The following SLC24A2 variants were observed in gnomAD, a reference collection of about 807,000 sequenced individuals.
SLC24A2 encodes solute carrier family 24 member 2, also known as sodium/potassium/calcium exchanger 2.
Under a neutral mutation model 62.0 loss-of-function variants are expected in SLC24A2, and 36 were observed. That is an observed-to-expected ratio of 0.58 (90% CI 0.44 to 0.77). The LOEUF is 0.77. Among genes scored for constraint, SLC24A2 ranks in the 30% least tolerant of loss-of-function variants. The pLI, the probability that SLC24A2 is intolerant of heterozygous loss-of-function variation, is 0.00. For synonymous variants in SLC24A2, 358 were observed against 294.0 expected, an observed-to-expected ratio of 1.22 and a Z score of -2.23; for missense variants, 846 against 817.9, an observed-to-expected ratio of 1.03 and a Z score of -0.42.
chr9:19,741,058 T>C (rs988020521), intron 2 of SLC24A2, among the ~76,000 whole-genome samples: 19 of 152,186 alleles, frequency 1.2e-4, no homozygotes, highest in Non-Finnish European at 2.8e-4. Context: ...ATCCTCTGTA[T>C]GTCCTTCCTG....
chr9:20,258,864 C>CCA, the SLC24A2 span, among the ~76,000 whole-genome samples: 1 of 146,808 alleles, frequency 6.8e-6, no homozygotes, highest in Non-Finnish European at 1.5e-5. Context: ...TAATGTCTAT[C>CCA]TATCCATCCA....
chr9:20,168,398 A>C, the SLC24A2 span, among the ~76,000 whole-genome samples: 1 of 152,042 alleles, frequency 6.6e-6, no homozygotes, highest in East Asian at 1.9e-4. Flanking sequence ...TCAAATTATC[A>C]GTTTATCAAG....
the SLC24A2 span, among the ~76,000 whole-genome samples, chr9:20,078,300 C>T: frequency 6.6e-6 from 1 of 151,940 alleles, no homozygotes; most frequent in South Asian, 2.1e-4. Context: ...CTTCCAGCCT[C>T]CCCACTTCCC....
chr9:20,174,757 G>T, the SLC24A2 span, among the ~76,000 whole-genome samples: 1 of 151,992 alleles, frequency 6.6e-6, no homozygotes, highest in Non-Finnish European at 1.5e-5. Context: ...TTGTGGGAGT[G>T]TAAACTAGTA....
At chr9:20,061,011 A>G in the SLC24A2 span, among the ~76,000 whole-genome samples, 1 of 152,224 alleles carries the variant, frequency 6.6e-6, no homozygotes, top group Admixed American at 6.5e-5. Flanking sequence ...TGAAAACTAC[A>G]AGGCGTTGCT....
chr9:19,610,401 C>A (rs575362196), intron 4 of SLC24A2, among the ~76,000 whole-genome samples: 1 of 151,748 alleles, frequency 6.6e-6, no homozygotes, highest in Non-Finnish European at 1.5e-5. Context: ...CTTCTTGTTG[C>A]GATGATAATT....
chr9:19,634,702 G>A (rs956606981), intron 2 of SLC24A2, among the ~76,000 whole-genome samples: 4 of 152,152 alleles, frequency 2.6e-5, no homozygotes, highest in Admixed American at 6.5e-5. Context: ...AGAACAAAAT[G>A]TATTCAGAAA....
chr9:19,679,838 CTGTGTGTG>C lies in SLC24A2; in HGVS notation c.931-57547_931-57540del, dbSNP rs58253967. Among the ~76,000 whole-genome samples the C allele has an allele frequency of 4.5e-3, 637 of 142,482 alleles. 5 individuals carry two copies. The highest frequency in any genetic ancestry group is 0.036 in the East Asian group (175 of 4,876). The allele number at this position is 142,482 out of a possible 152,430, so 93.5% of individuals were successfully genotyped here. On this transcript the variant is annotated intron_variant, in intron 2 of 10. Coordinates refer to ENST00000341998, the MANE Select transcript of SLC24A2 (RefSeq NM_020344.4). ...CCCACAACAAATCTCCTCACATATA[CTGTGTGTG>C]TGTGTGTGTGTGTGTGTGTGTGTGT... is the stretch of plus-strand genomic sequence containing the variant.
the SLC24A2 span, among the ~76,000 whole-genome samples, chr9:20,263,989 G>C: frequency 6.6e-6 from 1 of 151,908 alleles, no homozygotes; most frequent in Non-Finnish European, 1.5e-5. Flanking sequence ...CTGCACCTCT[G>C]AGCTGGCCCA....
At chr9:20,029,516 C>T in the SLC24A2 span, among the ~76,000 whole-genome samples, 1 of 152,138 alleles carries the variant, frequency 6.6e-6, no homozygotes, top group African/African-American at 2.4e-5. Flanking sequence ...TCTTATGGGT[C>T]TCTGTTGGGC....
the SLC24A2 span, among the ~76,000 whole-genome samples, chr9:20,009,025 A>T: frequency 6.6e-6 from 1 of 152,206 alleles, no homozygotes; most frequent in Non-Finnish European, 1.5e-5. Flanking sequence ...ATTCAATGGT[A>T]AGAGAAATGG....
the SLC24A2 span, among the ~76,000 whole-genome samples, chr9:19,813,610 C>A: frequency 6.6e-6 from 1 of 152,010 alleles, no homozygotes; most frequent in Admixed American, 6.6e-5. Flanking sequence ...TGAACCACCA[C>A]GTCCAGCCCA....
intron 2 of SLC24A2, among the ~76,000 whole-genome samples, chr9:19,661,502 T>C (rs1018676030): frequency 3.5e-5 from 5 of 143,714 alleles, no homozygotes; most frequent in African/African-American, 1.2e-4. Flanking sequence ...TTCTTCTAAG[T>C]ATTTTAAAAG....
chr9:20,019,291 G>GAAAGAAAGAAAA, the SLC24A2 span, among the ~76,000 whole-genome samples: 2 of 149,844 alleles, frequency 1.3e-5, no homozygotes, highest in African/African-American at 5.0e-5. Context: ...AAGAAAGAAA[G>GAAAGAAAGAAAA]AAAGAAAGAA....
rs534222866 is a variant in SLC24A2, at chr9:19,512,199, C to A, written c.*3954G>T. On this transcript the variant is annotated 3_prime_UTR_variant, in exon 11 of 11. Transcript: ENST00000341998. ...CTGCCCAGGAATGGATGTACATTAACATTGTCAAATGTCTAATCAGCGAGG... is the reference window on the plus strand; with the variant it reads ...CTGCCCAGGAATGGATGTACATTAAAATTGTCAAATGTCTAATCAGCGAGG... The A allele has an allele frequency of 2.0e-5, 3 of 152,298 alleles. No individual in the cohort carries two copies. Among genetic ancestry groups the A allele is most frequent in the Non-Finnish European group, 4.4e-5 (3 of 68,034 alleles). 9.4% of individuals were successfully genotyped at this position (152,298 alleles called of 1,614,324 possible).
At chr9:19,688,880 T>C (rs1045841782) in intron 2 of SLC24A2, among the ~76,000 whole-genome samples, 2 of 152,144 alleles carry the variant, frequency 1.3e-5, no homozygotes, top group Non-Finnish European at 2.9e-5. Flanking sequence ...TACAGTCTCA[T>C]AGTGTTAAGC....
chr9:19,670,592 A>C (rs1819386589), intron 2 of SLC24A2, among the ~76,000 whole-genome samples: 1 of 152,174 alleles, frequency 6.6e-6, no homozygotes, highest in Non-Finnish European at 1.5e-5. Flanking sequence ...AGATGGGGGA[A>C]TTTAGATACA....
chr9:19,927,088 C>T, the SLC24A2 span: 1 of 152,292 alleles, frequency 6.6e-6, no homozygotes, highest in Non-Finnish European at 1.5e-5. Flanking sequence ...GGGGCTTCCA[C>T]AGCAGCAGAA....
intron 2 of SLC24A2, among the ~76,000 whole-genome samples, chr9:19,671,229 G>C (rs1474476229): frequency 4.0e-5 from 6 of 151,796 alleles, no homozygotes; most frequent in African/African-American, 1.4e-4. Context: ...TCTTTCAGCA[G>C]TGTTTCATAG....
Sources: gnomAD v4.1 joint callset for allele counts (sites outside exome capture counted in the v4.1 genomes callset) on GRCh38, gnomAD v4.1.1 for gene constraint, MANE v1.5 for transcripts, NCBI Gene and HGNC (gene_info 2026-07-23, HGNC 2026-07-21) for gene names.